ADPRHL1: variants seen among roughly 807,000 people sequenced by gnomAD.
ADPRHL1 encodes ADP-ribosylhydrolase like 1, also known as inactive ADP-ribosyltransferase ARH2.
A neutral mutation model predicts 44.1 loss-of-function variants in ADPRHL1; 43 were observed. The ratio of observed to expected loss-of-function variants is 0.98; its 90% confidence interval spans 0.76 to 1.26. ADPRHL1 has a LOEUF of 1.26. Ranked by LOEUF, ADPRHL1 falls within the 50% of genes most tolerant of loss-of-function variation. ADPRHL1 has a pLI of 0.00. For missense variants in ADPRHL1, 2,022 were observed against 2,496.9 expected, an observed-to-expected ratio of 0.81 and a Z score of 4.05; for synonymous variants, 878 against 1,017.4, an observed-to-expected ratio of 0.86 and a Z score of 2.61.
intron 7 of ADPRHL1, among the ~76,000 whole-genome samples, chr13:113,420,954 C>G (rs2043914217): frequency 2.5e-5 from 1 of 40,164 alleles, no homozygotes; most frequent in African/African-American, 5.7e-5. Flanking sequence ...CCTACCCCCC[C>G]CGACACGCCC....
At chr13:113,417,424 G>A (rs2043892382) in intron 7 of ADPRHL1, among the ~76,000 whole-genome samples, 2 of 152,266 alleles carry the variant, frequency 1.3e-5, no homozygotes, top group South Asian at 4.1e-4. Flanking sequence ...CCGCCCCTGT[G>A]GCCATCAGAC....
In ADPRHL1 at chr13:113,406,410, T is replaced by C. The variant is rs1176344967; in HGVS notation, c.2872A>G (p.Asn958Asp). 63 of 1,231,966 alleles carry C rather than the reference T, an allele frequency of 5.1e-5. No homozygotes were observed. The highest frequency in any genetic ancestry group is 6.2e-5 in the Non-Finnish European group (61 of 987,988). 76.3% of individuals were successfully genotyped at this position (1,231,966 alleles called of 1,614,324 possible). Reference protein sequence around the residue: ...LQTDPAGGKENKGSFENSHGP... With the variant: ...LQTDPAGGKEDKGSFENSHGP... ...TGTGAATTCTCAAAGCTGCCTTTGT[T>C]TTCCTTCCCGCCAGCAGGATCTGTC... Residue 958 changes from asparagine (N) to aspartate (D), a missense_variant, in exon 8 of 8, where the codon AAC (asparagine) becomes GAC (aspartate). By Grantham distance (23) the Asn-to-Asp change is conservative. Coordinates refer to ENST00000612156, the MANE Select transcript of ADPRHL1 (RefSeq NM_001394807.1).
chr13:113,433,824 C>T lies in ADPRHL1; in HGVS notation c.423G>A (p.Leu141=), dbSNP rs1468642963. ...CCAGCCGCTCAGGCTTCCAGTACCG[C>T]AGGCCGATGCACATGGCCTTGGTGG... is the stretch of plus-strand genomic sequence containing the variant. The part of the protein sequence containing the change: ...GAATKAMCIG[L]RYWKPERLET... The change falls in exon 3 of 8, where the codon CTG becomes CTA. Residue 141 remains leucine (L), a synonymous_variant. Coordinates refer to ENST00000612156, the MANE Select transcript of ADPRHL1 (RefSeq NM_001394807.1). 1 of 1,576,766 alleles carries T rather than the reference C, an allele frequency of 6.3e-7. No individual in the cohort carries two copies. Among genetic ancestry groups the T allele is most frequent in the South Asian group, 1.2e-5 (1 of 86,136 alleles).
intron 2 of ADPRHL1, among the ~76,000 whole-genome samples, chr13:113,436,508 C>T (rs9796041): frequency 6.1e-3 from 9 of 1,464 alleles, no homozygotes; most frequent in Non-Finnish European, 0.011. Flanking sequence ...AGAGTGAACA[C>T]AGGTGTACCC....
intron 7 of ADPRHL1, 67 bp downstream of exon 7, chr13:113,422,759 G>T: frequency 6.3e-7 from 1 of 1,590,710 alleles, no homozygotes; most frequent in South Asian, 1.1e-5. Flanking sequence ...CAGGGGCTGC[G>T]AGAGGGCCCT....
In ADPRHL1 at chr13:113,441,789, T is replaced by C. The variant is rs989069949; in HGVS notation, c.379+2636A>G. Among the ~76,000 whole-genome samples, 3 of 152,176 alleles carry C rather than the reference T, an allele frequency of 2.0e-5. No homozygotes were observed. The highest frequency in any genetic ancestry group is 7.2e-5 in the African/African-American group (3 of 41,444). ...CTCCGCCCCGCCGTGTGGGTCTGTG[T>C]CTCTATCACGCTTTACTCCACCACA... is the stretch of plus-strand genomic sequence containing the variant. On this transcript the variant is annotated intron_variant, in intron 2 of 7. Transcript: ENST00000612156. The surrounding 1 kb of genome is among the most constrained non-coding windows in gnomAD (Gnocchi z 6.0).
At position 113,453,384 on chromosome 13, in the gene ADPRHL1, G is replaced by C. The variant is rs1278371895; in HGVS notation, c.54C>G (p.Gly18=). The change falls in exon 1 of 8, where the codon GGC becomes GGG. Residue 18 remains glycine, a synonymous_variant. Coordinates refer to ENST00000612156, the MANE Select transcript of ADPRHL1 (RefSeq NM_001394807.1). The surrounding 1 kb of genome is among the most constrained non-coding windows in gnomAD (Gnocchi z 5.4). ...TGTTCTCCTTGCAGACATTTCTGTA[G>C]CCAAGAGCATCGCCGACGCTCCCCA... ...MLLGSVGDAL[G]YRNVCKENST... 6 of 1,614,168 alleles carry C rather than the reference G, an allele frequency of 3.7e-6. No individual in the cohort carries two copies. The highest frequency in any genetic ancestry group is 1.6e-4 in the Middle Eastern group (1 of 6,062).
rs368251714 is a variant in ADPRHL1 at position 113,428,072 on chromosome 13, G to A, written c.646+880C>T. Among the ~76,000 whole-genome samples the A allele has an allele frequency of 9.9e-5, 15 of 152,238 alleles. No individual in the cohort carries two copies. The East Asian group carries it at 2.1e-3, about 22-fold the overall frequency. ...AGTCAGGGCGACCTGGTGAAACCCCGTCTCTACTAAAAATACAAAAAACTA... is the reference window on the plus strand; with the variant it reads ...AGTCAGGGCGACCTGGTGAAACCCCATCTCTACTAAAAATACAAAAAACTA... On this transcript the variant is annotated intron_variant, in intron 4 of 7. Coordinates refer to ENST00000612156, the MANE Select transcript of ADPRHL1 (RefSeq NM_001394807.1).
intron 7 of ADPRHL1, among the ~76,000 whole-genome samples, chr13:113,421,249 CA>C (rs2043918735): frequency 2.1e-5 from 1 of 47,134 alleles, no homozygotes; most frequent in Non-Finnish European, 5.2e-5. Context: ...GGGACACGCC[CA>C]CCCCAGGGAC....
chr13:113,441,245 G>A lies in ADPRHL1; in HGVS notation c.379+3180C>T, dbSNP rs930644857. ...GTGACAACTTCTGACTGTTATTGGG[G>A]GTCTTCACACCATTCGCATTTGGCG... is the stretch of plus-strand genomic sequence containing the variant. On this transcript the variant is annotated intron_variant, in intron 2 of 7. Coordinates refer to ENST00000612156, the MANE Select transcript of ADPRHL1 (RefSeq NM_001394807.1). This position sits in a 1 kb window ranked among gnomAD's most constrained non-coding sequence, Gnocchi z 6.0. 6.6e-6 allele frequency among the ~76,000 whole-genome samples: 1 copy of A among 152,054 alleles called. No homozygotes were observed. The highest frequency in any genetic ancestry group is 1.5e-5 in the Non-Finnish European group (1 of 68,008).
At chr13:113,408,807 C>T (rs2139597997) in intron 7 of ADPRHL1, among the ~76,000 whole-genome samples, 2 of 150,636 alleles carry the variant, frequency 1.3e-5, no homozygotes, top group South Asian at 4.2e-4. Flanking sequence ...TGGGCAGGAA[C>T]CAGCACTGCA....
At chr13:113,434,533 ACAGG>A (rs2044033460) in intron 2 of ADPRHL1, among the ~76,000 whole-genome samples, 2 of 147,998 alleles carry the variant, frequency 1.4e-5, no homozygotes, top group South Asian at 2.1e-4. Flanking sequence ...TAGAGTGAAC[ACAGG>A]TGTACCCCGG....
intron 5 of ADPRHL1, among the ~76,000 whole-genome samples, chr13:113,424,599 C>T (rs1306304804): frequency 2.7e-5 from 4 of 150,736 alleles, no homozygotes; most frequent in African/African-American, 4.9e-5. Flanking sequence ...GGATTACAGG[C>T]GTACACCAGC....
chr13:113,421,414 G>C (rs9577547), intron 7 of ADPRHL1, among the ~76,000 whole-genome samples: 111,320 of 125,412 alleles, frequency 0.89, 49,461 homozygotes, highest in Non-Finnish European at 0.95. Context: ...CCCAGAACAC[G>C]TCTACCCCTG....
In ADPRHL1 at chr13:113,453,196, A is replaced by G. The variant is rs777616822; in HGVS notation, c.214+28T>C. Reference sequence around the variant, plus strand: ...GCAGCCAGTGTTCCCTCCAGCCCGCACACCGGAGCGCGGTGGGCCCAGCCT... The same window carrying G: ...GCAGCCAGTGTTCCCTCCAGCCCGCGCACCGGAGCGCGGTGGGCCCAGCCT... On this transcript the variant is annotated intron_variant, in intron 1 of 7. Coordinates refer to ENST00000612156, the MANE Select transcript of ADPRHL1 (RefSeq NM_001394807.1). The surrounding 1 kb of genome is among the most constrained non-coding windows in gnomAD (Gnocchi z 5.4). The G allele has an allele frequency of 5.6e-6, 9 of 1,612,028 alleles. No individual in the cohort carries two copies. The highest frequency in any genetic ancestry group is 1.3e-5 in the African/African-American group (1 of 74,980).
chr13:113,444,813 C>CG (rs554178067), intron 1 of ADPRHL1, among the ~76,000 whole-genome samples: 78 of 152,160 alleles, frequency 5.1e-4, no homozygotes, highest in African/African-American at 1.7e-3. Context: ...TTAGTAGAGA[C>CG]GGGGTTTCAC....
rs760712662 is a variant in ADPRHL1 at position 113,401,649 on chromosome 13, C to G, written c.*1729G>C. 2.0e-5 allele frequency: 3 copies of G among 152,404 alleles called. No homozygotes were observed. Among genetic ancestry groups the G allele is most frequent in the African/African-American group, 4.8e-5 (2 of 41,466 alleles). The allele number at this position is 152,404 out of a possible 1,614,324, so 9.4% of individuals were successfully genotyped here. ...GGCCCCGGGGGCCCTGTCGGGGGAGCTGTGGGGACCGGCCCCCCAGAGCTC... is the reference window on the plus strand; with the variant it reads ...GGCCCCGGGGGCCCTGTCGGGGGAGGTGTGGGGACCGGCCCCCCAGAGCTC... On this transcript the variant is annotated 3_prime_UTR_variant, in exon 8 of 8. Coordinates refer to ENST00000612156, the MANE Select transcript of ADPRHL1 (RefSeq NM_001394807.1). The surrounding 1 kb of genome is among the most constrained non-coding windows in gnomAD (Gnocchi z 5.5).
At chr13:113,444,657 G>C in intron 1 of ADPRHL1, 68 bp from the exon 2 acceptor site, 1 of 1,545,638 alleles carries the variant, frequency 6.5e-7, no homozygotes, top group Non-Finnish European at 8.8e-7. Flanking sequence ...CCTCCCGCGG[G>C]GTCAGGCACC....
chr13:113,446,288 C>T (rs2044137426), intron 1 of ADPRHL1, among the ~76,000 whole-genome samples: 1 of 151,492 alleles, frequency 6.6e-6, no homozygotes, highest in South Asian at 2.1e-4. Context: ...GGCTGTGAAC[C>T]TCCCAGAGAG....
Sources: allele counts gnomAD v4.1 joint callset (sites outside exome capture counted in the v4.1 genomes callset), GRCh38; gene constraint gnomAD v4.1.1; non-coding constraint Gnocchi (gnomAD v3.1); transcripts MANE v1.5; gene names NCBI Gene and HGNC (gene_info 2026-07-23, HGNC 2026-07-21).